The following RELN variants were observed in gnomAD, a reference collection of about 807,000 sequenced individuals.
The protein encoded by RELN is reelin.
In RELN, 108 loss-of-function variants were observed where a neutral mutation model predicts 427.6. The observed-to-expected ratio is 0.25, with a 90% CI of 0.22 to 0.30. The LOEUF is 0.30. RELN is among the 10% of genes least tolerant of loss of function. RELN has a pLI of 1.00. For synonymous variants in RELN, 1,524 were observed against 1,513.4 expected, an observed-to-expected ratio of 1.01 and a Z score of -0.16; for missense variants, 3,715 against 4,302.8, an observed-to-expected ratio of 0.86 and a Z score of 3.82.
Position 103,839,990 on chromosome 7 carries a change from T to C in RELN, c.338-6318A>G, listed in dbSNP as rs1000181557. On this transcript the variant is annotated intron_variant, in intron 2 of 64. Transcript: ENST00000428762. ...TGAGTTCTCACGAGATCTGGTTGTT[T>C]GAAAGTGTGTAACACTTCTCTTTCT... is the stretch of plus-strand genomic sequence containing the variant. Among the ~76,000 whole-genome samples, 4 of 152,208 alleles carry C rather than the reference T, an allele frequency of 2.6e-5. No individual in the cohort carries two copies. The East Asian group carries it at 7.7e-4, about 29-fold the overall frequency.
chr7:103,783,705 T>C (rs899764212), intron 3 of RELN, among the ~76,000 whole-genome samples: 1 of 152,194 alleles, frequency 6.6e-6, no homozygotes, highest in African/African-American at 2.4e-5. Flanking sequence ...AGAAGGAACA[T>C]GCAGATGAAA....
At chr7:103,986,600 C>A (rs1797101835) in intron 1 of RELN, among the ~76,000 whole-genome samples, 1 of 143,800 alleles carries the variant, frequency 7.0e-6, no homozygotes, top group South Asian at 2.2e-4. Context: ...ATTGTGCACA[C>A]CACCTCTATC....
intron 10 of RELN, among the ~76,000 whole-genome samples, chr7:103,685,157 T>C (rs12705140): frequency 0.23 from 34,388 of 152,096 alleles, 3,951 homozygotes; most frequent in Middle Eastern, 0.38. Flanking sequence ...GTTTGCATTG[T>C]ATAACATCGA....
chr7:103,835,111 A>G (rs923990409), intron 2 of RELN, among the ~76,000 whole-genome samples: 1 of 152,244 alleles, frequency 6.6e-6, no homozygotes, highest in Non-Finnish European at 1.5e-5. Context: ...GTTATTCAGC[A>G]CTAAAAAGAA....
At chr7:103,814,679 G>A (rs1483963399) in intron 3 of RELN, among the ~76,000 whole-genome samples, 2 of 152,078 alleles carry the variant, frequency 1.3e-5, no homozygotes, top group East Asian at 1.9e-4. Context: ...GGGCCCAGAG[G>A]ATCATGGAGT....
At chr7:103,701,114 T>G in intron 8 of RELN, 108 bp from the exon 9 acceptor site, 2 of 725,204 alleles carry the variant, frequency 2.8e-6, no homozygotes, top group East Asian at 2.7e-5. Flanking sequence ...GATATTTGTC[T>G]GGTAACTTCC....
At chr7:103,728,800 C>T (rs939322927) in intron 6 of RELN, among the ~76,000 whole-genome samples, 13 of 152,040 alleles carry the variant, frequency 8.6e-5, no homozygotes, top group African/African-American at 3.1e-4. Flanking sequence ...TACGTTCCAC[C>T]ATGCTAAAAA....
At chr7:103,647,651 G>A in intron 16 of RELN, among the ~76,000 whole-genome samples, 1 of 151,672 alleles carries the variant, frequency 6.6e-6, no homozygotes, top group Middle Eastern at 3.2e-3. Context: ...CAGCTTCAAT[G>A]CAAATCCTAT....
chr7:103,482,320 A>T (rs1438324589), intron 63 of RELN: 2 of 162,990 alleles, frequency 1.2e-5, no homozygotes, highest in Non-Finnish European at 2.7e-5. Flanking sequence ...GGAACAGTCA[A>T]CCCGGCCAGG....
chr7:103,694,331 T>G (rs1833932679), intron 10 of RELN, among the ~76,000 whole-genome samples: 1 of 152,148 alleles, frequency 6.6e-6, no homozygotes, highest in Non-Finnish European at 1.5e-5. Flanking sequence ...TTCCTGGATT[T>G]GAATCCTTAC....
intron 11 of RELN, among the ~76,000 whole-genome samples, chr7:103,667,973 T>G (rs1220924677): frequency 6.6e-6 from 1 of 152,220 alleles, no homozygotes; most frequent in East Asian, 1.9e-4. Flanking sequence ...CTCATGCCTG[T>G]AATCCCAGCA....
chr7:103,475,031 G>A (rs537040896), intron 64 of RELN, among the ~76,000 whole-genome samples: 7 of 152,106 alleles, frequency 4.6e-5, no homozygotes, highest in Admixed American at 4.6e-4. Context: ...TTAAACAGAC[G>A]TTTCAAGTCC....
chr7:103,789,450 G>A (rs1299435378), intron 3 of RELN, among the ~76,000 whole-genome samples: 3 of 152,046 alleles, frequency 2.0e-5, no homozygotes, highest in African/African-American at 7.2e-5. Context: ...AACTGACAAA[G>A]GGTTAATATC....
At chr7:103,924,895 A>G (rs2116691800) in intron 1 of RELN, among the ~76,000 whole-genome samples, 1 of 151,406 alleles carries the variant, frequency 6.6e-6, no homozygotes, top group South Asian at 2.1e-4. Context: ...CTCCTACTCA[A>G]TCCCTCTACA....
chr7:103,931,752 C>T (rs577549822), intron 1 of RELN, among the ~76,000 whole-genome samples: 8 of 152,332 alleles, frequency 5.3e-5, no homozygotes, highest in Admixed American at 4.6e-4. Context: ...ACTTCTGCCT[C>T]TTCCCTTAGT....
At position 103,563,279 on chromosome 7, in the gene RELN, G is replaced by A. The variant is rs1051957506; in HGVS notation, c.5211-1326C>T. 5.9e-5 allele frequency among the ~76,000 whole-genome samples: 9 copies of A among 152,132 alleles called. No homozygotes were observed. Among genetic ancestry groups the A allele is most frequent in the Non-Finnish European group, 1.3e-4 (9 of 68,036 alleles). The stretch of plus-strand genomic sequence containing the variant: ...TGCATTTATGACAATGGTCTCATAA[G>A]ATTATAATGGATCTGAAAAAAAATT... On this transcript the variant is annotated intron_variant, in intron 34 of 64. Coordinates refer to ENST00000428762, the MANE Select transcript of RELN (RefSeq NM_005045.4). This position sits in a 1 kb window ranked among gnomAD's most constrained non-coding sequence, Gnocchi z 4.1.
In RELN at chr7:103,489,895, T is replaced by C; in HGVS notation, c.9610A>G (p.Thr3204Ala). Residue 3204 changes from threonine (T) to alanine (A), a missense_variant, in exon 60 of 65, where the codon ACA becomes GCA. Coordinates refer to ENST00000428762, the MANE Select transcript of RELN (RefSeq NM_005045.4). ...QLPDHVSSSA[T>A]QFRWIQKGEE... ...CCCTTCTGGATCCAGCGGAACTGTG[T>C]TGCACTGAAAGAACCACAGAGAGCA... is the stretch of plus-strand genomic sequence containing the variant. 6.2e-7 allele frequency: 1 copy of C among 1,614,124 alleles called. No individual in the cohort carries two copies. The highest frequency in any genetic ancestry group is 1.1e-5 in the South Asian group (1 of 91,078).
intron 49 of RELN, among the ~76,000 whole-genome samples, chr7:103,518,133 G>A (rs931741102): frequency 2.0e-5 from 3 of 152,008 alleles, no homozygotes; most frequent in Non-Finnish European, 4.4e-5. Flanking sequence ...TAGTCCTGGA[G>A]TACTTTTTTT....
chr7:103,905,418 CAT>C (rs1373278154), intron 2 of RELN, among the ~76,000 whole-genome samples: 19 of 152,276 alleles, frequency 1.2e-4, no homozygotes, highest in African/African-American at 4.3e-4. Flanking sequence ...ATAAGATTAA[CAT>C]ATATTTGTAT....
Sources: allele counts gnomAD v4.1 joint callset (sites outside exome capture counted in the v4.1 genomes callset), GRCh38; gene constraint gnomAD v4.1.1; non-coding constraint Gnocchi (gnomAD v3.1); transcripts MANE v1.5; gene names NCBI Gene and HGNC (gene_info 2026-07-23, HGNC 2026-07-21).